Variants in GFOD1 observed in about 807,000 individuals in gnomAD.
The protein encoded by GFOD1 is Gfo/Idh/MocA-like oxidoreductase domain containing 1, also known as glucose-fructose oxidoreductase domain-containing protein 1.
GFOD1 carries 9 observed loss-of-function variants against 25.4 expected under a neutral mutation model. The observed-to-expected ratio is 0.35, with a 90% CI of 0.21 to 0.62. The LOEUF (loss-of-function observed/expected upper bound fraction) is 0.62, where lower values mean the gene tolerates loss of function less well. Ranked by LOEUF, GFOD1 falls within the 20% of genes least tolerant of loss-of-function variation. The pLI, the probability that GFOD1 is intolerant of heterozygous loss-of-function variation, is 0.72. For missense variants in GFOD1, 403 were observed against 556.9 expected, an observed-to-expected ratio of 0.72 and a Z score of 2.78; for synonymous variants, 253 against 245.6, an observed-to-expected ratio of 1.03 and a Z score of -0.28.
chr6:13,477,666 T>C (rs1475342018), intron 1 of GFOD1, among the ~76,000 whole-genome samples: 1 of 151,982 alleles, frequency 6.6e-6, no homozygotes, highest in Non-Finnish European at 1.5e-5. Flanking sequence ...AATAACTAGG[T>C]TGGTATTAAT....
chr6:13,372,778 C>T (rs1029911619), intron 1 of GFOD1, among the ~76,000 whole-genome samples: 9 of 152,246 alleles, frequency 5.9e-5, no homozygotes, highest in Non-Finnish European at 1.0e-4. Context: ...CCCGTGAGCA[C>T]ACTTCCAATC....
chr6:13,369,637 A>T (rs554250572), intron 1 of GFOD1, among the ~76,000 whole-genome samples: 62 of 152,288 alleles, frequency 4.1e-4, no homozygotes, highest in African/African-American at 1.4e-3. Context: ...ACTCCAGCCT[A>T]GGTGACAGTG....
intron 1 of GFOD1, among the ~76,000 whole-genome samples, chr6:13,448,212 C>T (rs1562222182): frequency 6.6e-6 from 1 of 152,166 alleles, no homozygotes; most frequent in Non-Finnish European, 1.5e-5. Flanking sequence ...AGCAACTTCT[C>T]TAATTGGCCA....
At chr6:13,407,939 AC>A in intron 1 of GFOD1, 1 of 985,284 alleles carries the variant, frequency 1.0e-6, no homozygotes, top group Non-Finnish European at 1.2e-6. Flanking sequence ...AGATTGCCCA[AC>A]CAAAGAGCAG....
At chr6:13,391,212 A>G (rs189504203) in intron 1 of GFOD1, among the ~76,000 whole-genome samples, 2 of 152,264 alleles carry the variant, frequency 1.3e-5, no homozygotes, top group East Asian at 1.9e-4. Flanking sequence ...ATGGACTTCA[A>G]TTCCAGTAAC....
Position 13,430,350 on chromosome 6 carries a change from T to C in GFOD1, c.253+56288A>G, listed in dbSNP as rs1757726494. 6.6e-6 allele frequency among the ~76,000 whole-genome samples: 1 copy of C among 152,014 alleles called. No individual in the cohort carries two copies. Among genetic ancestry groups the C allele is most frequent in the Non-Finnish European group, 1.5e-5 (1 of 68,006 alleles). On this transcript the variant is annotated intron_variant, in intron 1 of 1. Coordinates refer to ENST00000379287, the MANE Select transcript of GFOD1 (RefSeq NM_018988.4). This position sits in a 1 kb window ranked among gnomAD's most constrained non-coding sequence, Gnocchi z 4.1. ...TACTTGGGAAGCTGAGGCAGGAGAATCACTTGAACCTGGGAGGCAGAGGTT... is the reference window on the plus strand; with the variant it reads ...TACTTGGGAAGCTGAGGCAGGAGAACCACTTGAACCTGGGAGGCAGAGGTT...
intron 1 of GFOD1, among the ~76,000 whole-genome samples, chr6:13,366,571 T>C (rs772362686): frequency 6.6e-6 from 1 of 152,086 alleles, no homozygotes; most frequent in African/African-American, 2.4e-5. Flanking sequence ...CCTGACCTCA[T>C]GATCCGCCCA....
intron 1 of GFOD1, among the ~76,000 whole-genome samples, chr6:13,459,016 G>T (rs1458732552): frequency 1.3e-5 from 2 of 152,140 alleles, no homozygotes; most frequent in Admixed American, 1.3e-4. Flanking sequence ...CAAAATATAT[G>T]AATTGGAAAC....
At chr6:13,397,302 A>C (rs1251338900) in intron 1 of GFOD1, among the ~76,000 whole-genome samples, 1 of 152,252 alleles carries the variant, frequency 6.6e-6, no homozygotes, top group Non-Finnish European at 1.5e-5. Context: ...CACTCCTAGA[A>C]ATTTACCAAA....
intron 1 of GFOD1, among the ~76,000 whole-genome samples, chr6:13,390,780 A>AAGGAAGGAAGG (rs1785581911): frequency 5.9e-5 from 7 of 117,952 alleles, no homozygotes; most frequent in Non-Finnish European, 1.3e-4. Flanking sequence ...AGAGAGAGAG[A>AAGGAAGGAAGG]AAGGAAGGAA....
intron 1 of GFOD1, among the ~76,000 whole-genome samples, chr6:13,440,232 C>T (rs190797101): frequency 6.6e-6 from 1 of 151,928 alleles, no homozygotes; most frequent in Non-Finnish European, 1.5e-5. Flanking sequence ...TTTTGTTACC[C>T]AGGCTGGAAT....
intron 1 of GFOD1, among the ~76,000 whole-genome samples, chr6:13,453,300 C>G (rs1050137197): frequency 6.6e-6 from 1 of 152,216 alleles, no homozygotes; most frequent in Non-Finnish European, 1.5e-5. Flanking sequence ...GTCTCTGTCT[C>G]TCACTGGGCT....
At chr6:13,414,850 G>A (rs1194060926) in intron 1 of GFOD1, among the ~76,000 whole-genome samples, 3 of 152,184 alleles carry the variant, frequency 2.0e-5, no homozygotes, top group African/African-American at 7.2e-5. Context: ...GTGGTAGTGG[G>A]GGAGGGCTTA....
chr6:13,390,775 GAGAGAA>G (rs149087318), intron 1 of GFOD1, among the ~76,000 whole-genome samples: 1,604 of 118,406 alleles, frequency 0.014, 62 homozygotes, highest in African/African-American at 0.075. Flanking sequence ...GAGAGAGAGA[GAGAGAA>G]AGGAAGGAAG....
At chr6:13,485,468 T>C (rs148908470) in intron 1 of GFOD1, among the ~76,000 whole-genome samples, 1 of 152,376 alleles carries the variant, frequency 6.6e-6, no homozygotes, top group Non-Finnish European at 1.5e-5. Context: ...TTGTTCTTGT[T>C]ATAAGCTTTG....
At chr6:13,386,916 G>C (rs771960069) in intron 1 of GFOD1, among the ~76,000 whole-genome samples, 1 of 152,126 alleles carries the variant, frequency 6.6e-6, no homozygotes, top group Non-Finnish European at 1.5e-5. Context: ...AGAAGTTTGG[G>C]AAATGCTGGT....
intron 1 of GFOD1, among the ~76,000 whole-genome samples, chr6:13,410,005 G>GCTT (rs548597430): frequency 8.2e-6 from 1 of 121,634 alleles, no homozygotes; most frequent in Non-Finnish European, 1.6e-5. Context: ...CGGATTTTTA[G>GCTT]TTTTTTTTTT....
chr6:13,469,652 C>G, intron 1 of GFOD1: 1 of 1,160,600 alleles, frequency 8.6e-7, no homozygotes, highest in Non-Finnish European at 1.1e-6. Context: ...ATCTAAGACA[C>G]TACTGCAAAG....
intron 1 of GFOD1, chr6:13,470,133 G>GT: frequency 6.7e-7 from 1 of 1,491,768 alleles, no homozygotes; most frequent in Non-Finnish European, 9.1e-7. Flanking sequence ...GGAAAATCCT[G>GT]TTGGTGAATG....
Sources: gnomAD v4.1 joint callset for allele counts (sites outside exome capture counted in the v4.1 genomes callset) on GRCh38, gnomAD v4.1.1 for gene constraint, Gnocchi (gnomAD v3.1) non-coding constraint, MANE v1.5 for transcripts, NCBI Gene and HGNC (gene_info 2026-07-23, HGNC 2026-07-21) for gene names.